MAGEC3: variants seen among roughly 807,000 people sequenced by gnomAD.
MAGEC3 encodes the protein melanoma-associated antigen C3.
In MAGEC3, 34 loss-of-function variants were observed where a neutral mutation model predicts 35.3. That is an observed-to-expected ratio of 0.96 (90% CI 0.73 to 1.28). MAGEC3 has a LOEUF of 1.28. MAGEC3 is among the 50% of genes most tolerant of loss of function. The pLI, the probability that MAGEC3 is intolerant of heterozygous loss-of-function variation, is 0.00. For synonymous variants in MAGEC3, 202 were observed against 185.6 expected, an observed-to-expected ratio of 1.09 and a Z score of -0.72; for missense variants, 561 against 483.6, an observed-to-expected ratio of 1.16 and a Z score of -1.50.
At chrX:141,876,268 A>G (rs1365925521) in intron 2 of MAGEC3, among the ~76,000 whole-genome samples, 2 of 111,784 alleles carry the variant, frequency 1.8e-5, no homozygotes, top group Non-Finnish European at 3.8e-5. Context: ...AACTGCTCAC[A>G]TTATATTTCT....
At chrX:141,864,777 T>C (rs1451688284) in intron 1 of MAGEC3, among the ~76,000 whole-genome samples, 1 of 111,311 alleles carries the variant, frequency 9.0e-6, no homozygotes, top group Non-Finnish European at 1.9e-5. Flanking sequence ...GAACTTAAAA[T>C]AAATTTAAAA....
At chrX:141,883,945 C>T (rs1262143157) in intron 4 of MAGEC3, among the ~76,000 whole-genome samples, 1 of 113,313 alleles carries the variant, frequency 8.8e-6, no homozygotes, top group Non-Finnish European at 1.9e-5. Context: ...TCTTGGTTTG[C>T]AGTGTGCCAC....
At chrX:141,887,909 C>T (rs1235142315) in intron 4 of MAGEC3, among the ~76,000 whole-genome samples, 2 of 112,183 alleles carry the variant, frequency 1.8e-5, no homozygotes, top group African/African-American at 3.2e-5. Context: ...TGTTACTGGG[C>T]TTTCATGGAA....
At chrX:141,859,615 C>T (rs1034191276) in intron 1 of MAGEC3, among the ~76,000 whole-genome samples, 4 of 111,301 alleles carry the variant, frequency 3.6e-5, no homozygotes, top group African/African-American at 6.5e-5. Flanking sequence ...CACCTTACAA[C>T]TTAAAAACCC....
At chrX:141,844,546 T>C (rs1343477471) in intron 1 of MAGEC3, among the ~76,000 whole-genome samples, 1 of 111,410 alleles carries the variant, frequency 9.0e-6, no homozygotes, top group African/African-American at 3.2e-5. Context: ...TCTTCAAAAA[T>C]TGTGGAAAAA....
chrX:141,863,421 A>G (rs904925255), intron 1 of MAGEC3, among the ~76,000 whole-genome samples: 20 of 111,566 alleles, frequency 1.8e-4, no homozygotes, highest in African/African-American at 5.9e-4. Flanking sequence ...ATATTTGTCA[A>G]TATCTACAGA....
At chrX:141,871,922 G>A (rs369593268) in intron 2 of MAGEC3, among the ~76,000 whole-genome samples, 1 of 109,232 alleles carries the variant, frequency 9.2e-6, no homozygotes, top group Non-Finnish European at 1.9e-5. Context: ...TGGGGCAGAG[G>A]GTTCACACGG....
rs756988673 is a variant in MAGEC3, at chrX:141,893,461, C to T, written c.910-1808C>T. Among the ~76,000 whole-genome samples the T allele has an allele frequency of 2.7e-5, 3 of 110,525 alleles. No homozygotes were observed. In the Admixed American group the frequency reaches 2.9e-4, roughly 11 times the overall value. Reference sequence around the variant, plus strand: ...AGAGATTTAAAATGGTGTAACAAGTCTGTGTGATACTGTAATGATGAATAC... The same window carrying T: ...AGAGATTTAAAATGGTGTAACAAGTTTGTGTGATACTGTAATGATGAATAC... On this transcript the variant is annotated intron_variant, in intron 4 of 7. Transcript: ENST00000298296.
chrX:141,897,325 T>C lies in MAGEC3; in HGVS notation c.1567T>C (p.Tyr523His). The C allele has an allele frequency of 6.6e-6, 8 of 1,211,846 alleles. No individual in the cohort carries two copies. The highest frequency in any genetic ancestry group is 8.9e-6 in the Non-Finnish European group (8 of 895,508). ...LTDMDPDNHS[Y>H]FFEDTLDLTY... ...TGATATGGACCCCGACAACCACTCC[T>C]ATTTCTTTGAAGACACATTAGACCT... The change falls in exon 7 of 8, where the codon TAT becomes CAT. Residue 523 changes from tyrosine (Y) to histidine (H), a missense_variant. Physicochemically the swap from Tyr to His is moderately conservative, Grantham distance 83. Transcript: ENST00000298296.
chrX:141,847,111 T>A (rs2017721715), intron 1 of MAGEC3, among the ~76,000 whole-genome samples: 1 of 111,162 alleles, frequency 9.0e-6, no homozygotes, highest in African/African-American at 3.3e-5. Flanking sequence ...AACTTTAGAA[T>A]CATAGAATTT....
At chrX:141,872,470 T>A (rs151265073) in intron 2 of MAGEC3, among the ~76,000 whole-genome samples, 43 of 111,191 alleles carry the variant, frequency 3.9e-4, no homozygotes, top group African/African-American at 1.3e-3. Flanking sequence ...AAGAGGACAG[T>A]TAATCTGAGA....
intron 6 of MAGEC3, among the ~76,000 whole-genome samples, 184 bp downstream of exon 6, chrX:141,895,743 A>C (rs1172638586): frequency 2.9e-4 from 1 of 3,495 alleles, no homozygotes; most frequent in Non-Finnish European, 5.7e-4. Flanking sequence ...GGGGAGGGGG[A>C]GGGGTGGAGG....
At chrX:141,839,929 G>T (rs1484868739) in intron 1 of MAGEC3, 3 of 629,609 alleles carry the variant, frequency 4.8e-6, no homozygotes, top group African/African-American at 2.4e-5. Context: ...ACACAAGAAA[G>T]AATTATACTG....
Position 141,895,579 on chromosome X carries a change from T to A in MAGEC3, c.1123+20T>A. ...GAGGAGGTGCCAGCCCTCTAGGGAA[T>A]AAATAGGAAGACATTGAGGAGGACT... On this transcript the variant is annotated intron_variant, in intron 6 of 7. Transcript: ENST00000298296. 1 of 1,181,331 alleles carries A rather than the reference T, an allele frequency of 8.5e-7. No individual in the cohort carries two copies. The highest frequency in any genetic ancestry group is 1.1e-6 in the Non-Finnish European group (1 of 879,270).
At chrX:141,879,549 G>T (rs1311124853) in intron 3 of MAGEC3, 118 bp downstream of exon 3, 1 of 899,820 alleles carries the variant, frequency 1.1e-6, no homozygotes, top group South Asian at 2.8e-5. Flanking sequence ...GGGGTGGAGG[G>T]GGCCCAGGAG....
chrX:141,838,832 C>T, intron 1 of MAGEC3: 2 of 753,714 alleles, frequency 2.7e-6, no homozygotes, highest in Non-Finnish European at 3.1e-6. Context: ...TGCCTATGTC[C>T]CTGGGGCAGC....
chrX:141,849,906 A>C (rs2017740326), intron 1 of MAGEC3, among the ~76,000 whole-genome samples: 1 of 111,447 alleles, frequency 9.0e-6, no homozygotes. Context: ...TATTCTACCA[A>C]AAAGACACAT....
rs373894457 is a variant in MAGEC3, at chrX:141,859,139, A to C, written c.124-6332A>C. On this transcript the variant is annotated intron_variant, in intron 1 of 7. Coordinates refer to ENST00000298296, the MANE Select transcript of MAGEC3 (RefSeq NM_138702.1). ...GGGAACCCTAGAGCATTTTGTACCTATGAGACAGATTCCTCTGAATTAGTT... is the reference window on the plus strand; with the variant it reads ...GGGAACCCTAGAGCATTTTGTACCTCTGAGACAGATTCCTCTGAATTAGTT... 1.3e-3 allele frequency among the ~76,000 whole-genome samples: 141 copies of C among 109,044 alleles called. 2 individuals are homozygous for C. The South Asian group carries it at 0.054, about 42-fold the overall frequency. The allele number at this position is 109,044 out of a possible 115,157, so 94.7% of individuals were successfully genotyped here.
In MAGEC3 at chrX:141,839,702, T is replaced by A. The variant is rs577313950; in HGVS notation, c.123+1264T>A. ...CTAATATGTCAAATGCTTTACTAGC[T>A]TTTTAATATCTTTATATCCATTTTC... On this transcript the variant is annotated intron_variant, in intron 1 of 7. Transcript: ENST00000298296. 68 of 740,886 alleles carry A rather than the reference T, an allele frequency of 9.2e-5. 1 individual carries two copies. In the South Asian group the frequency reaches 3.6e-3, roughly 39 times the overall value. 61.1% of individuals were successfully genotyped at this position (740,886 alleles called of 1,213,427 possible).
Sources: gnomAD v4.1 joint callset for allele counts (sites outside exome capture counted in the v4.1 genomes callset) on GRCh38, gnomAD v4.1.1 for gene constraint, MANE v1.5 for transcripts, NCBI Gene and HGNC (gene_info 2026-07-23, HGNC 2026-07-21) for gene names.